Variants in STK4 observed in about 807,000 individuals in gnomAD.
STK4 encodes serine/threonine-protein kinase 4.
STK4 carries 30 observed loss-of-function variants against 64.9 expected under a neutral mutation model. The ratio of observed to expected loss-of-function variants is 0.46; its 90% CI spans 0.35 to 0.63. The LOEUF (loss-of-function observed/expected upper bound fraction) is 0.63. STK4 is among the 20% of genes least tolerant of loss of function. The probability of loss-of-function intolerance (pLI) is 0.01; values close to 1 mark genes in which losing one functional copy is unlikely to be tolerated. For synonymous variants in STK4, 177 were observed against 199.0 expected, an observed-to-expected ratio of 0.89 and a Z score of 0.93; for missense variants, 466 against 598.5, an observed-to-expected ratio of 0.78 and a Z score of 2.31.
At chr20:45,020,450 GTGTGTGTGTGTGTGTGTATGTT>G (rs2068224006) in intron 9 of STK4, among the ~76,000 whole-genome samples, 1 of 123,556 alleles carries the variant, frequency 8.1e-6, no homozygotes, top group South Asian at 2.4e-4. Flanking sequence ...GTGTGTGTGT[GTGTGTGTGTGTGTGTGTATGTT>G]TATGTTTATG....
chr20:45,056,312 CT>C (rs756668660), intron 10 of STK4, among the ~76,000 whole-genome samples: 2 of 152,122 alleles, frequency 1.3e-5, no homozygotes, highest in Admixed American at 6.5e-5. Flanking sequence ...AAAGTTTTGT[CT>C]TTTCTGGGAT....
chr20:45,039,195 A>C (rs187298215), intron 10 of STK4, among the ~76,000 whole-genome samples: 2 of 152,214 alleles, frequency 1.3e-5, no homozygotes, highest in Non-Finnish European at 2.9e-5. Context: ...TGATGTTTTA[A>C]AATTTTGAGT....
chr20:45,042,686 A>G (rs1228263736), intron 10 of STK4, among the ~76,000 whole-genome samples: 1 of 152,132 alleles, frequency 6.6e-6, no homozygotes, highest in Non-Finnish European at 1.5e-5. Context: ...TGATGCTGAT[A>G]TTACTGAGAT....
In STK4 at chr20:45,001,169, A is replaced by G. The variant is rs1298406691; in HGVS notation, c.963A>G (p.Glu321=). 1.2e-6 allele frequency: 2 copies of G among 1,606,566 alleles called. No individual in the cohort carries two copies. Among genetic ancestry groups the G allele is most frequent in the Non-Finnish European group, 1.7e-6 (2 of 1,174,174 alleles). ...TTTGAGATTGTATCCTTTTACAGGA[A>G]GAGGATGAAATGGATTCTGGCACGA... The part of the protein sequence containing the change: ...EVDQDDEENS[E]EDEMDSGTMV... Residue 321 remains glutamate (E), a splice_region_variant and synonymous_variant, in exon 9 of 11, where the codon GAA becomes GAG. Coordinates refer to ENST00000372806, the MANE Select transcript of STK4 (RefSeq NM_006282.5).
chr20:45,004,975 G>A (rs1191271782), intron 9 of STK4, among the ~76,000 whole-genome samples: 3 of 151,670 alleles, frequency 2.0e-5, no homozygotes, highest in African/African-American at 7.3e-5. Flanking sequence ...GTTTCACTAT[G>A]TTGGTCAGGC....
Position 44,992,887 on chromosome 20 carries a change from G to T in STK4, c.526-2203G>T, listed in dbSNP as rs541035558. The stretch of plus-strand genomic sequence containing the variant: ...TTTTTTGTACTTTTAGTAGAGACGG[G>T]ATTTCGCTATGTTTCCCAGGCTGGT... On this transcript the variant is annotated intron_variant, in intron 5 of 10. Transcript: ENST00000372806. Among the ~76,000 whole-genome samples, 37 of 151,932 alleles carry T rather than the reference G, an allele frequency of 2.4e-4. No homozygotes were observed. The East Asian group carries it at 7.0e-3, about 29-fold the overall frequency.
intron 10 of STK4, among the ~76,000 whole-genome samples, chr20:45,029,949 G>A (rs948745034): frequency 6.6e-6 from 1 of 152,000 alleles, no homozygotes; most frequent in African/African-American, 2.4e-5. Flanking sequence ...CTTACTGGAG[G>A]TACCAAAGAA....
intron 10 of STK4, among the ~76,000 whole-genome samples, chr20:45,032,174 A>C (rs2145401193): frequency 6.6e-6 from 1 of 152,324 alleles, no homozygotes; most frequent in Admixed American, 6.5e-5. Context: ...AAACTAACGC[A>C]ATTAACAACA....
intron 10 of STK4, among the ~76,000 whole-genome samples, chr20:45,057,429 A>C (rs1261216171): frequency 6.6e-6 from 1 of 152,258 alleles, no homozygotes; most frequent in African/African-American, 2.4e-5. Flanking sequence ...ATTAACAATC[A>C]GACCCTTCAT....
At chr20:44,992,852 A>T (rs1048499537) in intron 5 of STK4, among the ~76,000 whole-genome samples, 8 of 151,670 alleles carry the variant, frequency 5.3e-5, no homozygotes, top group Non-Finnish European at 1.0e-4. Flanking sequence ...CTGCTACCAC[A>T]CCCGGCTAAT....
rs117418518 is a variant in STK4, at chr20:45,052,684, G to A, written c.1306-22334G>A. Among the ~76,000 whole-genome samples, 660 of 152,106 alleles carry A rather than the reference G, an allele frequency of 4.3e-3. 5 individuals are homozygous for A. Among genetic ancestry groups the A allele is most frequent in the Non-Finnish European group, 7.7e-3 (526 of 67,978 alleles). ...CTGTTGAGTGTGTGAATTAAGCTGG[G>A]GTTTTAACCATCAGCACCTGCGCTC... On this transcript the variant is annotated intron_variant, in intron 10 of 10. Transcript: ENST00000372806.
intron 10 of STK4, among the ~76,000 whole-genome samples, chr20:45,048,983 C>T (rs2068737397): frequency 6.6e-6 from 1 of 151,884 alleles, no homozygotes; most frequent in Non-Finnish European, 1.5e-5. Flanking sequence ...CTGGACAGTT[C>T]CCACATTGAT....
At chr20:45,033,824 C>A (rs572055491) in intron 10 of STK4, among the ~76,000 whole-genome samples, 161 of 152,244 alleles carry the variant, frequency 1.1e-3, no homozygotes, top group Non-Finnish European at 1.9e-3. Flanking sequence ...GGGTGATCTA[C>A]CCACCTCGGC....
chr20:45,057,022 G>A (rs555811552), intron 10 of STK4, among the ~76,000 whole-genome samples: 2 of 152,330 alleles, frequency 1.3e-5, no homozygotes, highest in East Asian at 1.9e-4. Context: ...CTGGCCATCC[G>A]GTGGGTAGCA....
At chr20:44,967,178 C>T (rs542473132) in intron 1 of STK4, 1 of 985,276 alleles carries the variant, frequency 1.0e-6, no homozygotes, top group East Asian at 1.1e-4. Context: ...TGGTGGTGTC[C>T]CCACTGTAGG....
chr20:45,032,349 T>C (rs1024544835), intron 10 of STK4, among the ~76,000 whole-genome samples: 6 of 152,162 alleles, frequency 3.9e-5, no homozygotes, highest in Non-Finnish European at 8.8e-5. Flanking sequence ...GGGGGTTTGG[T>C]GTACAGATTA....
chr20:45,017,111 G>A (rs770183657), intron 9 of STK4, among the ~76,000 whole-genome samples: 163 of 152,250 alleles, frequency 1.1e-3, no homozygotes, highest in Non-Finnish European at 2.1e-3. Context: ...CAACCAAGAA[G>A]CATTTATTAA....
intron 9 of STK4, among the ~76,000 whole-genome samples, chr20:45,024,016 T>C (rs2068298522): frequency 6.7e-6 from 1 of 149,412 alleles, no homozygotes; most frequent in Non-Finnish European, 1.5e-5. Flanking sequence ...TTCTCCTGCC[T>C]CAGCCTCCCG....
At chr20:44,991,319 A>T (rs2067629876) in intron 5 of STK4, among the ~76,000 whole-genome samples, 1 of 152,236 alleles carries the variant, frequency 6.6e-6, no homozygotes, top group Non-Finnish European at 1.5e-5. Flanking sequence ...TGTGATTAAC[A>T]TTCTTGCAAC....
Sources: gnomAD v4.1 joint callset for allele counts (sites outside exome capture counted in the v4.1 genomes callset) on GRCh38, gnomAD v4.1.1 for gene constraint, MANE v1.5 for transcripts, NCBI Gene and HGNC (gene_info 2026-07-23, HGNC 2026-07-21) for gene names.